SLC12A1: variants seen among roughly 807,000 people sequenced by gnomAD.
SLC12A1 encodes Na-K-2Cl cotransporter.
In SLC12A1, 89 loss-of-function variants were observed where a neutral mutation model predicts 130.4. That is an observed-to-expected ratio of 0.68 (90% CI 0.58 to 0.81). The LOEUF is 0.81. Ranked by LOEUF, SLC12A1 falls within the 40% of genes least tolerant of loss-of-function variation. The pLI is 0.00. For synonymous variants in SLC12A1, 499 were observed against 460.0 expected, an observed-to-expected ratio of 1.08 and a Z score of -1.09; for missense variants, 1,310 against 1,336.4, an observed-to-expected ratio of 0.98 and a Z score of 0.31.
chr15:48,237,489 GT>G (rs917874969), intron 9 of SLC12A1: 24 of 152,224 alleles, frequency 1.6e-4, no homozygotes, highest in African/African-American at 5.8e-4. Context: ...TAGTGAAGAA[GT>G]TTTTATTTAT....
chr15:48,255,450 A>AAAAT (rs989682104), intron 15 of SLC12A1, among the ~76,000 whole-genome samples: 5 of 151,512 alleles, frequency 3.3e-5, no homozygotes, highest in Non-Finnish European at 7.4e-5. Flanking sequence ...AAAAAAAAAA[A>AAAAT]AAAGAAGAAT....
chr15:48,292,454 T>C (rs764282174), intron 24 of SLC12A1, among the ~76,000 whole-genome samples: 6 of 152,232 alleles, frequency 3.9e-5, no homozygotes, highest in Non-Finnish European at 8.8e-5. Flanking sequence ...AAAGTAATCA[T>C]TTAAATATCT....
At chr15:48,212,640 TACTA>T (rs2041067897) in intron 2 of SLC12A1, among the ~76,000 whole-genome samples, 1 of 152,204 alleles carries the variant, frequency 6.6e-6, no homozygotes, top group Non-Finnish European at 1.5e-5. Context: ...TTTTCAGCCT[TACTA>T]ACCACCATTG....
At position 48,257,353 on chromosome 15, in the gene SLC12A1, T is replaced by C. The variant is rs148597591; in HGVS notation, c.2042+1443T>C. 4.9e-3 allele frequency among the ~76,000 whole-genome samples: 739 copies of C among 152,290 alleles called. 8 individuals carry two copies. Among genetic ancestry groups the C allele is most frequent in the Middle Eastern group, 0.044 (13 of 294 alleles). On this transcript the variant is annotated intron_variant, in intron 16 of 26. Coordinates refer to ENST00000380993, the MANE Select transcript of SLC12A1 (RefSeq NM_000338.3). ...TGGGGTCTAGAGGACTGTGGTCCTC[T>C]TCTTACAGATCTACTAGGCAGTGCC...
intron 23 of SLC12A1, among the ~76,000 whole-genome samples, chr15:48,289,439 T>A (rs1257060541): frequency 3.2e-5 from 4 of 124,014 alleles, no homozygotes; most frequent in Non-Finnish European, 6.7e-5. Context: ...AATGTATAAC[T>A]ATGTATAACT....
chr15:48,220,649 C>T lies in SLC12A1; in HGVS notation c.436C>T (p.Pro146Ser). Residue 146 changes from proline to serine, a missense_variant, in exon 3 of 27, where the codon CCA (proline) becomes TCA (serine). Transcript: ENST00000380993. ...EQLAKNVAVT[P>S]SSADRVANGD... ...TAAAATGCAGAATGTGGCAGTCACC[C>T]CAAGTTCAGCTGACAGAGTTGCTAA... 6.2e-7 allele frequency: 1 copy of T among 1,613,214 alleles called. No individual in the cohort carries two copies. The highest frequency in any genetic ancestry group is 1.3e-5 in the African/African-American group (1 of 75,010).
chr15:48,258,983 C>T (rs577941080), intron 16 of SLC12A1, among the ~76,000 whole-genome samples: 1 of 152,278 alleles, frequency 6.6e-6, no homozygotes, highest in South Asian at 2.1e-4. Context: ...CCACTTTTTC[C>T]TTACTTCACA....
In SLC12A1 at chr15:48,283,670, GTTTGTA is replaced by G. The variant is rs1391287971; in HGVS notation, c.2486-1434_2486-1429del. 2.0e-5 allele frequency among the ~76,000 whole-genome samples: 3 copies of G among 152,354 alleles called. No homozygotes were observed. The South Asian group carries it at 6.2e-4, about 32-fold the overall frequency. ...TTAGTACATAATTGATAAATCTAGAGTTTGTATAGCTTCGCTTCACAGATAGATAAC... is the reference window on the plus strand; with the variant it reads ...TTAGTACATAATTGATAAATCTAGAGTAGCTTCGCTTCACAGATAGATAAC... On this transcript the variant is annotated intron_variant, in intron 20 of 26. Transcript: ENST00000380993.
At chr15:48,273,699 T>G (rs538468321) in intron 19 of SLC12A1, among the ~76,000 whole-genome samples, 10 of 152,350 alleles carry the variant, frequency 6.6e-5, no homozygotes, top group Non-Finnish European at 1.3e-4. Flanking sequence ...ATATTCATAT[T>G]GCACCAAACT....
In SLC12A1 at chr15:48,240,340, C is replaced by T. The variant is rs371826933; in HGVS notation, c.1216-1175C>T. On this transcript the variant is annotated intron_variant, in intron 9 of 26. Transcript: ENST00000380993. The stretch of plus-strand genomic sequence containing the variant: ...TTGCATACACCTGCCACACTGACGA[C>T]GACAATAGTTTGGAAGGAAGAGACT... Among the ~76,000 whole-genome samples the T allele has an allele frequency of 1.2e-4, 18 of 151,766 alleles. No homozygotes were observed. In the South Asian group the frequency reaches 3.5e-3, roughly 30 times the overall value.
chr15:48,254,075 CTGGATCTG>C (rs1287354390), intron 15 of SLC12A1, among the ~76,000 whole-genome samples: 1 of 152,000 alleles, frequency 6.6e-6, no homozygotes, highest in Non-Finnish European at 1.5e-5. Context: ...AATATTTTCT[CTGGATCTG>C]TGGTTTCTCT....
chr15:48,295,838 C>T (rs2141124791), intron 24 of SLC12A1, among the ~76,000 whole-genome samples: 1 of 152,300 alleles, frequency 6.6e-6, no homozygotes, highest in East Asian at 1.9e-4. Flanking sequence ...GCCATATTAC[C>T]TTATAAAACA....
Position 48,220,940 on chromosome 15 carries a change from T to A in SLC12A1, c.572T>A (p.Ile191Asn). 1.2e-6 allele frequency: 2 copies of A among 1,614,056 alleles called. No homozygotes were observed. The highest frequency in any genetic ancestry group is 1.7e-6 in the Non-Finnish European group (2 of 1,179,896). The change falls in exon 4 of 27, where the codon ATC (isoleucine) becomes AAC (asparagine). Residue 191 changes from isoleucine to asparagine, a missense_variant. Transcript: ENST00000380993. ...CCACAGGTAAGATGCATGCTGAACA[T>A]CTGGGGAGTCATGCTCTTCATTCGC... ...KGVLVRCMLNIWGVMLFIRLS... is the reference protein window; with the variant it reads ...KGVLVRCMLNNWGVMLFIRLS...
Position 48,221,114 on chromosome 15 carries a change from G to T in SLC12A1, c.628+118G>T, listed in dbSNP as rs557407209. 27 of 987,564 alleles carry T rather than the reference G, an allele frequency of 2.7e-5. No homozygotes were observed. The East Asian group carries it at 6.4e-4, about 23-fold the overall frequency. The allele number at this position is 987,564 out of a possible 1,614,324, so 61.2% of individuals were successfully genotyped here. A position where few individuals can be genotyped will look rare whatever the true frequency, so the allele number is the denominator to read the frequency against. ...AGGTCACAGAAATAATTTACAGTTG[G>T]GCTCCTTTTACTTTGCTTCTTTGAC... On this transcript the variant is annotated intron_variant, in intron 4 of 26. Coordinates refer to ENST00000380993, the MANE Select transcript of SLC12A1 (RefSeq NM_000338.3).
At chr15:48,261,205 A>T (rs2041770582) in intron 17 of SLC12A1, among the ~76,000 whole-genome samples, 1 of 152,234 alleles carries the variant, frequency 6.6e-6, no homozygotes. Flanking sequence ...TTTAGCAGGC[A>T]ATAAAATATC....
In SLC12A1 at chr15:48,288,065, G is replaced by T; in HGVS notation, c.2652G>T (p.Gln884His). ...CAGATGGCAGCATTAACACAAGCCA[G>T]TCGATGCATGTGGGAGAGTTCAACC... Reference protein sequence around the residue: ...PKKDGSINTSQSMHVGEFNQK... With the variant: ...PKKDGSINTSHSMHVGEFNQK... The change falls in exon 22 of 27, where the codon CAG becomes CAT. Residue 884 changes from glutamine to histidine, a missense_variant. Gln to His is a conservative substitution (Grantham distance 24). Coordinates refer to ENST00000380993, the MANE Select transcript of SLC12A1 (RefSeq NM_000338.3). 6.2e-7 allele frequency: 1 copy of T among 1,611,146 alleles called. No individual in the cohort carries two copies. Among genetic ancestry groups the T allele is most frequent in the Non-Finnish European group, 8.5e-7 (1 of 1,178,716 alleles).
intron 5 of SLC12A1, 35 bp from the exon 6 acceptor site, chr15:48,229,154 T>A: frequency 6.4e-7 from 1 of 1,564,624 alleles, no homozygotes; most frequent in Non-Finnish European, 8.7e-7. Flanking sequence ...AACTAGCAGT[T>A]CCTCAATGTG....
At chr15:48,214,348 C>G (rs928465470) in intron 2 of SLC12A1, among the ~76,000 whole-genome samples, 3 of 152,262 alleles carry the variant, frequency 2.0e-5, no homozygotes, top group Non-Finnish European at 4.4e-5. Context: ...CAGTAGTTCC[C>G]TTAAACTTAT....
chr15:48,232,938 T>C, intron 8 of SLC12A1, 100 bp downstream of exon 8: 1 of 725,822 alleles, frequency 1.4e-6, no homozygotes. Context: ...AATGCCTGGC[T>C]CCCCTTTCAA....
Sources: gnomAD v4.1 joint callset for allele counts (sites outside exome capture counted in the v4.1 genomes callset) on GRCh38, gnomAD v4.1.1 for gene constraint, MANE v1.5 for transcripts, NCBI Gene and HGNC (gene_info 2026-07-23, HGNC 2026-07-21) for gene names.